ZNF831: variants seen among roughly 807,000 people sequenced by gnomAD.
ZNF831 encodes the protein zinc finger protein 831.
A neutral mutation model predicts 95.8 loss-of-function variants in ZNF831; 59 were observed. The ratio of observed to expected loss-of-function variants is 0.62; its 90% confidence interval spans 0.50 to 0.77. The LOEUF (loss-of-function observed/expected upper bound fraction) is 0.77, where lower values mean the gene tolerates loss of function less well. Among genes scored for constraint, ZNF831 ranks in the 30% least tolerant of loss-of-function variants. The pLI, the probability that ZNF831 is intolerant of heterozygous loss-of-function variation, is 0.00. For missense variants in ZNF831, 2,205 were observed against 2,164.0 expected, an observed-to-expected ratio of 1.02 and a Z score of -0.38; for synonymous variants, 961 against 925.5, an observed-to-expected ratio of 1.04 and a Z score of -0.70.
chr20:59,127,756 G>A lies in ZNF831; in HGVS notation c.-1425+4251G>A, dbSNP rs534873467. On this transcript the variant is annotated intron_variant, in intron 1 of 7. Coordinates refer to the ZNF831 transcript ENST00000637017. ...CAGGGCCTGGGTTGTTTTGGTTCCT[G>A]TAGCACCCTCCACCCCCAGGAAGCA... 1.1e-4 allele frequency among the ~76,000 whole-genome samples: 17 copies of A among 152,354 alleles called. No individual in the cohort carries two copies. The East Asian group carries it at 2.9e-3, about 26-fold the overall frequency.
intron 4 of ZNF831, among the ~76,000 whole-genome samples, chr20:59,226,714 T>C (rs964225399): frequency 6.6e-6 from 1 of 151,458 alleles, no homozygotes; most frequent in Non-Finnish European, 1.5e-5. Context: ...GGGGACATTA[T>C]GTTTTCTGCT....
At position 59,194,284 on chromosome 20, in the gene ZNF831, C is replaced by A. The variant is rs2146596754; in HGVS notation, c.3265C>A (p.Leu1089Ile). 1.9e-6 allele frequency: 3 copies of A among 1,613,988 alleles called. No homozygotes were observed. The highest frequency in any genetic ancestry group is 2.5e-6 in the Non-Finnish European group (3 of 1,180,004). The change falls in exon 2 of 6, where the codon CTC becomes ATC. Residue 1089 changes from leucine to isoleucine, a missense_variant. Physicochemically the swap from Leu to Ile is conservative, Grantham distance 5. Coordinates refer to ENST00000371030, the MANE Select transcript of ZNF831 (RefSeq NM_178457.3). ...CMGSTLARAR[L>I]SGDVLNPWVP... ...GGGCAGCACTTTGGCAAGGGCCAGG[C>A]TCTCTGGGGATGTCCTGAATCCCTG...
chr20:59,152,015 C>G (rs1425475473), intron 2 of ZNF831, among the ~76,000 whole-genome samples: 2 of 152,210 alleles, frequency 1.3e-5, no homozygotes, highest in African/African-American at 4.8e-5. Flanking sequence ...TGCCTCACCA[C>G]TATCAACCTC....
rs1981041633 is a variant in ZNF831, at chr20:59,163,840, C to T, written c.-404C>T. Among the ~76,000 whole-genome samples the T allele has an allele frequency of 6.6e-6, 1 of 151,822 alleles. No individual in the cohort carries two copies. Among genetic ancestry groups the T allele is most frequent in the Non-Finnish European group, 1.5e-5 (1 of 68,002 alleles). Reference sequence around the variant, plus strand: ...TGGGCCATACCAAGTTTTATCTCTGCTTGAGTCTCTTCCAGGTTGCTTGAA... The same window carrying T: ...TGGGCCATACCAAGTTTTATCTCTGTTTGAGTCTCTTCCAGGTTGCTTGAA... On this transcript the variant is annotated 5_prime_UTR_variant, in exon 1 of 6. Transcript: ENST00000371030.
At chr20:59,146,607 G>A (rs1195588554) in intron 2 of ZNF831, 1 of 152,252 alleles carries the variant, frequency 6.6e-6, no homozygotes, top group African/African-American at 2.4e-5. Context: ...TCACCTTTCA[G>A]CACAGCCTTG....
Position 59,193,370 on chromosome 20 carries a change from A to T in ZNF831, c.2351A>T (p.Lys784Met), listed in dbSNP as rs1000920918. ...CCCAGGCCAGTTTGGCCGGACCCCA[A>T]GCTGGAAGGAGGTGCCCGAGGTGTG... Reference protein sequence around the residue: ...EAPRPVWPDPKLEGGARGVGD... With the variant: ...EAPRPVWPDPMLEGGARGVGD... The change falls in exon 2 of 6, where the codon AAG (lysine) becomes ATG (methionine). Residue 784 changes from lysine (K) to methionine (M), a missense_variant. Coordinates refer to ENST00000371030, the MANE Select transcript of ZNF831 (RefSeq NM_178457.3). The T allele has an allele frequency of 1.2e-6, 2 of 1,608,562 alleles. No individual in the cohort carries two copies. The highest frequency in any genetic ancestry group is 2.2e-5 in the South Asian group (2 of 90,308).
Position 59,194,744 on chromosome 20 carries a change from C to A in ZNF831, c.3725C>A (p.Ala1242Glu), listed in dbSNP as rs767254726. 9 of 1,563,514 alleles carry A rather than the reference C, an allele frequency of 5.8e-6. No homozygotes were observed. Among genetic ancestry groups the A allele is most frequent in the Non-Finnish European group, 7.8e-6 (9 of 1,156,540 alleles). ...ACAAGCCCTGGAGAAGGAGGGCCGG[C>A]GCAGATGTCCAAGGTAAAGCTGGGC... ...TWTSPGEGGP[A>E]QMSKFSYPTV... Residue 1242 changes from alanine to glutamate, a missense_variant, in exon 2 of 6, where the codon GCG (alanine) becomes GAG (glutamate). Physicochemically the swap from Ala to Glu is moderately radical, Grantham distance 107. Coordinates refer to ENST00000371030, the MANE Select transcript of ZNF831 (RefSeq NM_178457.3).
intron 3 of ZNF831, among the ~76,000 whole-genome samples, chr20:59,204,157 G>A (rs1005943581): frequency 6.6e-6 from 1 of 152,208 alleles, no homozygotes. Context: ...AGTCGTTGAA[G>A]GGGAGAGTGG....
chr20:59,228,678 C>G (rs1304913072), intron 4 of ZNF831, among the ~76,000 whole-genome samples: 1 of 152,086 alleles, frequency 6.6e-6, no homozygotes, highest in Non-Finnish European at 1.5e-5. Context: ...ACAAAGGGCT[C>G]TTTAAAAAGT....
intron 2 of ZNF831, 54 bp downstream of exon 2, chr20:59,194,811 C>A (rs554496997): frequency 1.3e-6 from 2 of 1,494,218 alleles, no homozygotes; most frequent in East Asian, 2.3e-5. Context: ...GTTGTTATCC[C>A]GTAAGACCTC....
At position 59,194,548 on chromosome 20, in the gene ZNF831, C is replaced by T. The variant is rs759848617; in HGVS notation, c.3529C>T (p.Leu1177=). Residue 1177 remains leucine, a synonymous_variant, in exon 2 of 6, where the codon CTG becomes TTG. Transcript: ENST00000371030. ...PHSTQNPFPS[L]KAEPRLTWCC... ...CAGCACCCAAAACCCCTTTCCCTCA[C>T]TGAAGGCTGAGCCGCGGCTCACGTG... is the stretch of plus-strand genomic sequence containing the variant. 6.2e-7 allele frequency: 1 copy of T among 1,605,896 alleles called. No homozygotes were observed.
At chr20:59,202,080 T>C (rs963801610) in intron 3 of ZNF831, among the ~76,000 whole-genome samples, 4 of 152,206 alleles carry the variant, frequency 2.6e-5, no homozygotes, top group South Asian at 4.1e-4. Context: ...CACTATTGTT[T>C]TGTATCTTTA....
intron 3 of ZNF831, among the ~76,000 whole-genome samples, chr20:59,201,257 G>A (rs554979734): frequency 6.6e-6 from 1 of 152,128 alleles, no homozygotes; most frequent in African/African-American, 2.4e-5. Context: ...CTTTTTTTGT[G>A]TGCTTATTTA....
intron 1 of ZNF831, among the ~76,000 whole-genome samples, 54 bp downstream of exon 1, chr20:59,164,261 A>C (rs977504231): frequency 3.3e-5 from 5 of 152,016 alleles, no homozygotes; most frequent in African/African-American, 9.7e-5. Context: ...TTAAAAAAAA[A>C]CTCTTTTACT....
intron 4 of ZNF831, among the ~76,000 whole-genome samples, chr20:59,245,285 G>T (rs1319920557): frequency 3.3e-5 from 5 of 151,858 alleles, no homozygotes; most frequent in African/African-American, 9.7e-5. Flanking sequence ...TACAGATTTT[G>T]ATTTTTCTCC....
At chr20:59,209,982 T>C (rs1018600179) in intron 4 of ZNF831, among the ~76,000 whole-genome samples, 1 of 152,172 alleles carries the variant, frequency 6.6e-6, no homozygotes, top group African/African-American at 2.4e-5. Context: ...AGACCCTTTT[T>C]CTAACTCAGG....
At position 59,193,562 on chromosome 20, in the gene ZNF831, C is replaced by G. The variant is rs375167639; in HGVS notation, c.2543C>G (p.Thr848Arg). The G allele has an allele frequency of 2.5e-6, 4 of 1,605,588 alleles. No individual in the cohort carries two copies. The highest frequency in any genetic ancestry group is 2.7e-5 in the African/African-American group (2 of 74,778). The change falls in exon 2 of 6, where the codon ACG becomes AGG. Residue 848 changes from threonine to arginine, a missense_variant. Transcript: ENST00000371030. ...AGCGCAGAGACCCCAGGTGGGCCCA[C>G]GCAGCCTGCCTCTTTGTCATCCCAG... ...PVSAETPGGP[T>R]QPASLSSQKQ...
At chr20:59,204,839 C>G (rs918630046) in intron 3 of ZNF831, among the ~76,000 whole-genome samples, 3 of 152,128 alleles carry the variant, frequency 2.0e-5, no homozygotes, top group African/African-American at 7.2e-5. Flanking sequence ...CAAAACCTTC[C>G]TAAGCCAGGA....
At chr20:59,224,170 T>TG (rs1236704594) in intron 4 of ZNF831, among the ~76,000 whole-genome samples, 7 of 152,032 alleles carry the variant, frequency 4.6e-5, no homozygotes, top group Non-Finnish European at 5.9e-5. Flanking sequence ...GCGTGGCGGG[T>TG]GGGGGGACTT....
Sources: gnomAD v4.1 joint callset for allele counts (sites outside exome capture counted in the v4.1 genomes callset) on GRCh38, gnomAD v4.1.1 for gene constraint, MANE v1.5 for transcripts, NCBI Gene and HGNC (gene_info 2026-07-23, HGNC 2026-07-21) for gene names.